The following ITGAM variants were observed in gnomAD, a reference collection of about 807,000 sequenced individuals.
The protein encoded by ITGAM is integrin alpha-M.
ITGAM carries 79 observed loss-of-function variants against 137.5 expected under a neutral mutation model. That is an observed-to-expected ratio of 0.57 (90% CI 0.48 to 0.69). ITGAM has a LOEUF of 0.69. Among genes scored for constraint, ITGAM ranks in the 30% least tolerant of loss-of-function variants. The pLI is 0.00. For synonymous variants in ITGAM, 583 were observed against 592.3 expected, an observed-to-expected ratio of 0.98 and a Z score of 0.23; for missense variants, 1,343 against 1,483.5, an observed-to-expected ratio of 0.91 and a Z score of 1.56.
In ITGAM at chr16:31,278,052, G is replaced by A. The variant is rs751430443; in HGVS notation, c.1299G>A (p.Ala433=). The change falls in exon 12 of 30, where the codon GCG becomes GCA. Residue 433 remains alanine, a synonymous_variant. Coordinates refer to ENST00000544665, the MANE Select transcript of ITGAM (RefSeq NM_000632.4). ...APRYQHIGLV[A]MFRQNTGMWE... ...GATATCAGCACATCGGCCTGGTAGC[G>A]ATGTTCAGGCAGAACACTGGCATGT... 59 of 1,608,274 alleles carry A rather than the reference G, an allele frequency of 3.7e-5. No individual in the cohort carries two copies. The highest frequency in any genetic ancestry group is 9.0e-5 in the East Asian group (4 of 44,654).
intron 12 of ITGAM, among the ~76,000 whole-genome samples, chr16:31,285,989 A>G (rs1227998491): frequency 2.0e-5 from 3 of 151,752 alleles, no homozygotes; most frequent in Non-Finnish European, 2.9e-5. Flanking sequence ...TGGTTTTCCA[A>G]CCCACACCTC....
At position 31,276,956 on chromosome 16, in the gene ITGAM, T is replaced by A. The variant is rs1204653918; in HGVS notation, c.1120T>A (p.Trp374Arg). Residue 374 changes from tryptophan (W) to arginine (R), a missense_variant, in exon 11 of 30, where the codon TGG becomes AGG. By Grantham distance (101) the Trp-to-Arg change is moderately radical. Coordinates refer to ENST00000544665, the MANE Select transcript of ITGAM (RefSeq NM_000632.4). ...PLLSTVGSYD[W>R]AGGVFLYTSK... Reference sequence around the variant, plus strand: ...GCTGAGCACTGTGGGGAGCTATGACTGGGCTGGTGGAGTCTTTCTATATAC... The same window carrying A: ...GCTGAGCACTGTGGGGAGCTATGACAGGGCTGGTGGAGTCTTTCTATATAC... 1 of 1,613,502 alleles carries A rather than the reference T, an allele frequency of 6.2e-7. No individual in the cohort carries two copies. The highest frequency in any genetic ancestry group is 8.5e-7 in the Non-Finnish European group (1 of 1,179,718).
chr16:31,266,243 T>G, intron 5 of ITGAM, 96 bp downstream of exon 5: 1 of 803,950 alleles, frequency 1.2e-6, no homozygotes. Context: ...GGGCTCTGGG[T>G]GCAGAAGAGT....
Position 31,331,820 on chromosome 16 carries a change from G to A in ITGAM, c.*113G>A, listed in dbSNP as rs1219864575. On this transcript the variant is annotated 3_prime_UTR_variant, in exon 30 of 30. Coordinates refer to ENST00000544665, the MANE Select transcript of ITGAM (RefSeq NM_000632.4). ...ACAGCGAAGTATCCCCGACAGGACGGGCTTGGGCTTCCATTTGTGTGTGTG... is the reference window on the plus strand; with the variant it reads ...ACAGCGAAGTATCCCCGACAGGACGAGCTTGGGCTTCCATTTGTGTGTGTG... 5 of 794,608 alleles carry A rather than the reference G, an allele frequency of 6.3e-6. No homozygotes were observed. Among genetic ancestry groups the A allele is most frequent in the African/African-American group, 5.3e-5 (3 of 57,044 alleles). 49.2% of individuals were successfully genotyped at this position (794,608 alleles called of 1,614,324 possible). A position where few individuals can be genotyped will look rare whatever the true frequency, so the allele number is the denominator to read the frequency against.
chr16:31,299,839 C>G (rs1213361289), intron 14 of ITGAM, among the ~76,000 whole-genome samples: 2 of 128,692 alleles, frequency 1.6e-5, no homozygotes, highest in Admixed American at 1.6e-4. Flanking sequence ...TCCTCGTCGT[C>G]CTCCTCTCCT....
chr16:31,300,181 G>C (rs2080183808), intron 14 of ITGAM, among the ~76,000 whole-genome samples: 1 of 152,168 alleles, frequency 6.6e-6, no homozygotes, highest in Admixed American at 6.5e-5. Context: ...TCCCTCATCT[G>C]TTGATAGGCA....
At chr16:31,326,038 C>T (rs1048692535) in intron 21 of ITGAM, among the ~76,000 whole-genome samples, 4 of 151,930 alleles carry the variant, frequency 2.6e-5, no homozygotes, top group African/African-American at 9.7e-5. Flanking sequence ...TGCACTCTAG[C>T]CTAGGCGACA....
intron 5 of ITGAM, among the ~76,000 whole-genome samples, chr16:31,266,366 G>A (rs2079767982): frequency 6.6e-6 from 1 of 151,294 alleles, no homozygotes; most frequent in Non-Finnish European, 1.5e-5. Flanking sequence ...CAAAGCTTTG[G>A]GAGCCCAGGA....
At chr16:31,269,178 G>A (rs935928828) in intron 5 of ITGAM, among the ~76,000 whole-genome samples, 1 of 152,140 alleles carries the variant, frequency 6.6e-6, no homozygotes, top group Non-Finnish European at 1.5e-5. Context: ...CTGGGTGGGG[G>A]CAGCAAGATC....
chr16:31,279,481 A>T (rs903469549), intron 12 of ITGAM, among the ~76,000 whole-genome samples: 4 of 152,172 alleles, frequency 2.6e-5, no homozygotes, highest in Admixed American at 2.6e-4. Flanking sequence ...CATTTCTCTG[A>T]TGGCCAGTGA....
chr16:31,271,740 G>A, intron 6 of ITGAM, 107 bp from the exon 7 acceptor site: 1 of 1,356,888 alleles, frequency 7.4e-7, no homozygotes, highest in South Asian at 1.3e-5. Flanking sequence ...CAGCACAGAG[G>A]AGGAATTTGG....
At position 31,331,956 on chromosome 16, in the gene ITGAM, A is replaced by C; in HGVS notation, c.*249A>C. On this transcript the variant is annotated 3_prime_UTR_variant, in exon 30 of 30. Coordinates refer to ENST00000544665, the MANE Select transcript of ITGAM (RefSeq NM_000632.4). ...ATGTGTGAGTGTGTGCAAGTATGTG[A>C]GTGTGTCCAAGTGTGTGTGCGTGTG... The C allele has an allele frequency of 5.6e-6, 3 of 532,910 alleles. No homozygotes were observed. Among genetic ancestry groups the C allele is most frequent in the Non-Finnish European group, 1.0e-5 (3 of 301,386 alleles). 33.0% of individuals were successfully genotyped at this position (532,910 alleles called of 1,614,324 possible).
At chr16:31,328,068 C>A in intron 22 of ITGAM, 79 bp from the exon 23 acceptor site, 2 of 1,071,162 alleles carry the variant, frequency 1.9e-6, no homozygotes, top group Non-Finnish European at 1.5e-6. Context: ...TGATTGGAGG[C>A]AGGGAGTGAG....
chr16:31,264,307 C>T (rs1365875001), intron 2 of ITGAM, among the ~76,000 whole-genome samples: 1 of 151,988 alleles, frequency 6.6e-6, no homozygotes, highest in East Asian at 2.0e-4. Flanking sequence ...ATTAGCCAAG[C>T]ATGGTGGCAC....
At chr16:31,290,080 C>CAAAAAAAA (rs780127045) in intron 12 of ITGAM, among the ~76,000 whole-genome samples, 3 of 56,106 alleles carry the variant, frequency 5.3e-5, no homozygotes, top group Non-Finnish European at 8.6e-5. Flanking sequence ...AAACTCCATC[C>CAAAAAAAA]AAAAAAAAAA....
At chr16:31,311,802 T>C (rs1411331958) in intron 14 of ITGAM, among the ~76,000 whole-genome samples, 1 of 152,076 alleles carries the variant, frequency 6.6e-6, no homozygotes, top group Non-Finnish European at 1.5e-5. Flanking sequence ...CCCAAAGGAT[T>C]ATACATCATG....
chr16:31,265,717 C>T, intron 3 of ITGAM, 94 bp from the exon 4 acceptor site: 1 of 1,087,156 alleles, frequency 9.2e-7, no homozygotes, highest in Non-Finnish European at 1.4e-6. Context: ...GTCAGACCTC[C>T]TTGTCTCCCG....
At chr16:31,261,198 C>CTTTTT (rs1017498448) in intron 1 of ITGAM, among the ~76,000 whole-genome samples, 2 of 123,240 alleles carry the variant, frequency 1.6e-5, no homozygotes, top group African/African-American at 2.9e-5. Flanking sequence ...ATGCTGCTAT[C>CTTTTT]TTTTTTTTTT....
intron 14 of ITGAM, among the ~76,000 whole-genome samples, chr16:31,315,020 C>A (rs976652719): frequency 1.3e-5 from 2 of 151,980 alleles, no homozygotes; most frequent in African/African-American, 4.8e-5. Flanking sequence ...ACCATGTTGG[C>A]CAGGCTGGTC....
Sources: allele counts gnomAD v4.1 joint callset (sites outside exome capture counted in the v4.1 genomes callset), GRCh38; gene constraint gnomAD v4.1.1; transcripts MANE v1.5; gene names NCBI Gene and HGNC (gene_info 2026-07-23, HGNC 2026-07-21).